The following ADAM2 variants were observed in gnomAD, a reference collection of about 807,000 sequenced individuals.
The protein encoded by ADAM2 is disintegrin and metalloproteinase domain-containing protein 2.
A neutral mutation model predicts 99.3 loss-of-function variants in ADAM2; 101 were observed. That is an observed-to-expected ratio of 1.02 (90% confidence interval 0.87 to 1.20). The LOEUF (loss-of-function observed/expected upper bound fraction) is 1.20. Ranked by LOEUF, ADAM2 falls within the 50% of genes most tolerant of loss-of-function variation. The pLI is 0.00. For synonymous variants in ADAM2, 323 were observed against 287.6 expected (o/e 1.12, Z -1.25); for missense variants, 948 against 878.7 (o/e 1.08, Z -1.00).
At chr8:39,747,137 AC>A (rs1823503560) in intron 18 of ADAM2, among the ~76,000 whole-genome samples, 1 of 152,150 alleles carries the variant, frequency 6.6e-6, no homozygotes, top group Non-Finnish European at 1.5e-5. Context: ...GTGGTTTCTG[AC>A]TTTTTGTTTA....
intron 14 of ADAM2, among the ~76,000 whole-genome samples, chr8:39,762,921 T>G (rs893400316): frequency 6.6e-6 from 1 of 152,240 alleles, no homozygotes; most frequent in Non-Finnish European, 1.5e-5. Context: ...ATCCAATGGA[T>G]TTTGTTTCTC....
At chr8:39,784,252 A>T (rs1803361495) in intron 10 of ADAM2, among the ~76,000 whole-genome samples, 3 of 152,208 alleles carry the variant, frequency 2.0e-5, no homozygotes, top group African/African-American at 7.2e-5. Flanking sequence ...AATAAGAAAG[A>T]ATACTAGAAA....
At position 39,795,541 on chromosome 8, in the gene ADAM2, T is replaced by C. The variant is rs1227796430; in HGVS notation, c.571-6801A>G. On this transcript the variant is annotated intron_variant, in intron 7 of 20. Coordinates refer to ENST00000265708, the MANE Select transcript of ADAM2 (RefSeq NM_001464.5). ...TTAACAATCAGAAAATTTTTAACTC[T>C]ACCTATGACCTGGAAGAACCTGCTT... Among the ~76,000 whole-genome samples the C allele has an allele frequency of 2.6e-5, 4 of 152,134 alleles. No homozygotes were observed. In the East Asian group the frequency reaches 7.7e-4, roughly 29 times the overall value.
Position 39,821,599 on chromosome 8 carries a change from A to G in ADAM2, c.331T>C (p.Cys111Arg). 2 of 1,600,160 alleles carry G rather than the reference A, an allele frequency of 1.2e-6. No homozygotes were observed. Among genetic ancestry groups the G allele is most frequent in the Non-Finnish European group, 8.6e-7 (1 of 1,168,098 alleles). ...YPKSVVMVST[C>R]TGLRGVLQFE... ...GTAAATTACAACCTGAGTCCAGTAC[A>G]TGTGCTAACCATCACCACAGATTTT... Residue 111 changes from cysteine (C) to arginine (R), a missense_variant, in exon 5 of 21, where the codon TGT becomes CGT. Transcript: ENST00000265708.
chr8:39,783,380 A>G (rs1481027050), intron 10 of ADAM2, among the ~76,000 whole-genome samples: 2 of 152,048 alleles, frequency 1.3e-5, no homozygotes, highest in Non-Finnish European at 2.9e-5. Flanking sequence ...ATGATTATGG[A>G]CCTCTTTTTC....
intron 15 of ADAM2, among the ~76,000 whole-genome samples, chr8:39,758,445 A>G (rs1373554016): frequency 6.6e-6 from 1 of 152,120 alleles, no homozygotes; most frequent in Non-Finnish European, 1.5e-5. Flanking sequence ...ATGTGTTAAA[A>G]TGCTAAAATT....
At chr8:39,749,583 G>GTACA in intron 17 of ADAM2, 84 bp downstream of exon 17, 2 of 979,176 alleles carry the variant, frequency 2.0e-6, no homozygotes, top group Non-Finnish European at 1.4e-6. Flanking sequence ...GTGTGTGTGT[G>GTACA]TGCGTGTGTG....
intron 10 of ADAM2, among the ~76,000 whole-genome samples, chr8:39,777,839 A>T (rs1486660428): frequency 6.6e-6 from 1 of 151,638 alleles, no homozygotes; most frequent in Non-Finnish European, 1.5e-5. Context: ...AATTAAAATT[A>T]AAAAAATTGA....
rs1006940607 is a variant in ADAM2, at chr8:39,835,510, G to A, written c.133-1511C>T. ...CCATCCTGACCAACGGTGAAACCCC[G>A]TCTCTACTAAAAATACAAAAAAACT... On this transcript the variant is annotated intron_variant, in intron 2 of 20. Transcript: ENST00000265708. Among the ~76,000 whole-genome samples, 11 of 151,954 alleles carry A rather than the reference G, an allele frequency of 7.2e-5. No individual in the cohort carries two copies. In the East Asian group the frequency reaches 9.7e-4, roughly 13 times the overall value.
chr8:39,757,708 C>G (rs1346191140), intron 15 of ADAM2, among the ~76,000 whole-genome samples: 1 of 152,108 alleles, frequency 6.6e-6, no homozygotes, highest in East Asian at 1.9e-4. Context: ...TAGTTTGAGT[C>G]CAGCTATGTT....
intron 7 of ADAM2, among the ~76,000 whole-genome samples, chr8:39,789,093 G>A (rs1201701818): frequency 1.3e-5 from 2 of 151,430 alleles, no homozygotes; most frequent in African/African-American, 4.8e-5. Flanking sequence ...CATTTTTGAA[G>A]ATACAATTCA....
At chr8:39,793,408 G>C (rs181057826) in intron 7 of ADAM2, among the ~76,000 whole-genome samples, 1 of 152,158 alleles carries the variant, frequency 6.6e-6, no homozygotes, top group East Asian at 1.9e-4. Context: ...TGGACCAAAG[G>C]GACACCTTGG....
intron 14 of ADAM2, among the ~76,000 whole-genome samples, chr8:39,764,480 G>A (rs1253894491): frequency 1.3e-5 from 2 of 152,082 alleles, no homozygotes; most frequent in Non-Finnish European, 2.9e-5. Context: ...ACCTGGCACC[G>A]CCTCTTTGCA....
At chr8:39,792,185 T>A (rs1251522811) in intron 7 of ADAM2, among the ~76,000 whole-genome samples, 1 of 151,718 alleles carries the variant, frequency 6.6e-6, no homozygotes. Context: ...TATACCTGCT[T>A]CTCTTATGCT....
chr8:39,748,396 T>G (rs1216036942), intron 18 of ADAM2, among the ~76,000 whole-genome samples: 1 of 152,188 alleles, frequency 6.6e-6, no homozygotes, highest in Non-Finnish European at 1.5e-5. Context: ...TAATTGTTGC[T>G]AGTAAAATGG....
Position 39,764,921 on chromosome 8 carries a change from G to C in ADAM2, c.1507+1927C>G, listed in dbSNP as rs114404584. On this transcript the variant is annotated intron_variant, in intron 14 of 20. Transcript: ENST00000265708. ...TCACAGCTACTCAGGAGGCTAGGAG[G>C]CTGAGGCAGGAGAATCACTGGAACA... 1.3e-4 allele frequency among the ~76,000 whole-genome samples: 20 copies of C among 152,094 alleles called. No individual in the cohort carries two copies. The East Asian group carries it at 3.9e-3, about 29-fold the overall frequency.
chr8:39,763,238 G>T (rs889224022), intron 14 of ADAM2, among the ~76,000 whole-genome samples: 16 of 152,092 alleles, frequency 1.1e-4, no homozygotes, highest in African/African-American at 3.6e-4. Context: ...AAAAAATCTT[G>T]GCTTTCAGAG....
chr8:39,802,610 T>C lies in ADAM2; in HGVS notation c.570+6800A>G. Among the ~76,000 whole-genome samples the C allele has an allele frequency of 1.3e-5, 2 of 152,178 alleles. 1 individual carries two copies. Among genetic ancestry groups the C allele is most frequent in the East Asian group, 3.9e-4 (2 of 5,190 alleles). On this transcript the variant is annotated intron_variant, in intron 7 of 20. Coordinates refer to ENST00000265708, the MANE Select transcript of ADAM2 (RefSeq NM_001464.5). The stretch of plus-strand genomic sequence containing the variant: ...ACTTGGAATCACTAAAAACGAAAAC[T>C]ACCTTTATTACTGGAGCCCCTACAA...
intron 7 of ADAM2, among the ~76,000 whole-genome samples, chr8:39,805,061 T>G (rs2129586666): frequency 6.6e-6 from 1 of 152,198 alleles, no homozygotes; most frequent in East Asian, 1.9e-4. Context: ...TGGTGTCTGA[T>G]GAGGGTTCAT....
Sources: allele counts gnomAD v4.1 joint callset (sites outside exome capture counted in the v4.1 genomes callset), GRCh38; gene constraint gnomAD v4.1.1; transcripts MANE v1.5; gene names NCBI Gene and HGNC (gene_info 2026-07-23, HGNC 2026-07-21).